The following PCDHGA11 variants were observed in gnomAD, a reference collection of about 807,000 sequenced individuals.
PCDHGA11 encodes protocadherin gamma subfamily A, 11, also known as protocadherin gamma-A11.
In PCDHGA11, 39 loss-of-function variants were observed where a neutral mutation model predicts 60.4. The ratio of observed to expected loss-of-function variants is 0.65; its 90% CI spans 0.50 to 0.84. PCDHGA11 has a LOEUF of 0.84. Among genes scored for constraint, PCDHGA11 ranks in the 40% least tolerant of loss-of-function variants. The pLI is 0.00. For missense variants in PCDHGA11, 1,165 were observed against 1,197.7 expected, an observed-to-expected ratio of 0.97 and a Z score of 0.40; for synonymous variants, 533 against 510.3, an observed-to-expected ratio of 1.04 and a Z score of -0.60.
At chr5:141,492,606 C>G (rs1019615566) in intron 1 of PCDHGA11, among the ~76,000 whole-genome samples, 3 of 152,232 alleles carry the variant, frequency 2.0e-5, no homozygotes, top group African/African-American at 7.2e-5. Flanking sequence ...GACTGCCGCT[C>G]TAAGTGCCGG....
chr5:141,505,270 G>A (rs550800630), intron 2 of PCDHGA11, 123 bp from the exon 3 acceptor site: 103 of 1,520,724 alleles, frequency 6.8e-5, no homozygotes, highest in Middle Eastern at 4.6e-4. Context: ...CTTGCTGAGA[G>A]AAACAGGTCT....
intron 1 of PCDHGA11, among the ~76,000 whole-genome samples, chr5:141,443,537 T>C (rs986467958): frequency 6.6e-6 from 1 of 152,180 alleles, no homozygotes; most frequent in African/African-American, 2.4e-5. Flanking sequence ...ATTTAAAGCT[T>C]GGGAAATTGT....
In PCDHGA11 at chr5:141,511,149, G is replaced by T; in HGVS notation, c.2784G>T (p.Lys928Asn). The change falls in exon 4 of 4, where the codon AAG becomes AAT. Residue 928 changes from lysine to asparagine, a missense_variant. By Grantham distance (94) the Lys-to-Asn change is moderately conservative. Transcript: ENST00000398587. ...APAGGNGNKKKSGKKEKK is the reference protein window; with the variant it reads ...APAGGNGNKKNSGKKEKK The stretch of plus-strand genomic sequence containing the variant: ...CAGGTGGCAATGGCAACAAGAAGAA[G>T]TCGGGCAAGAAGGAGAAGAAGTAAC... 1 of 1,614,176 alleles carries T rather than the reference G, an allele frequency of 6.2e-7. No homozygotes were observed. The highest frequency in any genetic ancestry group is 8.5e-7 in the Non-Finnish European group (1 of 1,179,998).
chr5:141,498,960 G>GGAGA (rs1381042115), intron 2 of PCDHGA11, among the ~76,000 whole-genome samples: 9 of 118,744 alleles, frequency 7.6e-5, no homozygotes, highest in African/African-American at 2.8e-4. Context: ...AGAGAGAGAG[G>GGAGA]GAGGGAGGGA....
chr5:141,497,210 G>T (rs988856908), intron 2 of PCDHGA11, among the ~76,000 whole-genome samples: 1 of 28,140 alleles, frequency 3.6e-5, no homozygotes, highest in African/African-American at 1.1e-3. Context: ...TGAGTGTAAT[G>T]GGGGGGGGAA....
chr5:141,446,778 T>C (rs2098515519), intron 1 of PCDHGA11, among the ~76,000 whole-genome samples: 1 of 152,116 alleles, frequency 6.6e-6, no homozygotes, highest in South Asian at 2.1e-4. Flanking sequence ...GTTACCATTC[T>C]TTTACTCTGA....
chr5:141,464,655 G>T (rs1326749316), intron 1 of PCDHGA11, among the ~76,000 whole-genome samples: 1 of 152,070 alleles, frequency 6.6e-6, no homozygotes. Flanking sequence ...TGGGTAAAAA[G>T]ATATCTCCAA....
rs754462129 is a variant in PCDHGA11, at chr5:141,490,693, G to T, written c.2434-4114G>T. 6.2e-7 allele frequency: 1 copy of T among 1,614,170 alleles called. No homozygotes were observed. Among genetic ancestry groups the T allele is most frequent in the South Asian group, 1.1e-5 (1 of 91,072 alleles). On this transcript the variant is annotated intron_variant, in intron 1 of 3. Transcript: ENST00000398587. This position sits in a 1 kb window ranked among gnomAD's most constrained non-coding sequence, Gnocchi z 5.4. Reference sequence around the variant, plus strand: ...GGCTGCCTCAGATCCAGACACTGGGGATAATGCCCGCCTCACCTACTCCAT... The same window carrying T: ...GGCTGCCTCAGATCCAGACACTGGGTATAATGCCCGCCTCACCTACTCCAT...
rs1407016089 is a variant in PCDHGA11 at position 141,489,914 on chromosome 5, C to T, written c.2434-4893C>T. On this transcript the variant is annotated intron_variant, in intron 1 of 3. Coordinates refer to ENST00000398587, the MANE Select transcript of PCDHGA11 (RefSeq NM_018914.3). The surrounding 1 kb of genome is among the most constrained non-coding windows in gnomAD (Gnocchi z 4.5). Reference sequence around the variant, plus strand: ...GGGGGGACCCCAGCCCGCTCAGGGACCACCCTTATCTCTGTCATCGTGCTG... The same window carrying T: ...GGGGGGACCCCAGCCCGCTCAGGGATCACCCTTATCTCTGTCATCGTGCTG... 3 of 1,614,094 alleles carry T rather than the reference C, an allele frequency of 1.9e-6. No individual in the cohort carries two copies. Among genetic ancestry groups the T allele is most frequent in the African/African-American group, 2.7e-5 (2 of 74,936 alleles).
chr5:141,423,720 A>G, intron 1 of PCDHGA11, 60 bp downstream of exon 1: 1 of 957,774 alleles, frequency 1.0e-6, no homozygotes, highest in East Asian at 6.0e-5. Flanking sequence ...TTTTAAGGAG[A>G]TGTTTTTTGA....
intron 1 of PCDHGA11, among the ~76,000 whole-genome samples, chr5:141,460,221 C>T (rs931609262): frequency 3.4e-4 from 51 of 151,918 alleles, no homozygotes; most frequent in African/African-American, 1.2e-3. Flanking sequence ...TTAGTTGTGT[C>T]TTTTGAAGAG....
chr5:141,485,539 G>C lies in PCDHGA11; in HGVS notation c.2434-9268G>C, dbSNP rs370323886. The C allele has an allele frequency of 9.9e-6, 16 of 1,613,986 alleles. No homozygotes were observed. In the African/African-American group the frequency reaches 2.0e-4, roughly 20 times the overall value. On this transcript the variant is annotated intron_variant, in intron 1 of 3. Transcript: ENST00000398587. This position sits in a 1 kb window ranked among gnomAD's most constrained non-coding sequence, Gnocchi z 5.7. ...TGGAAATGTACCGAGCAGAGGTAGA[G>C]ATCGTAGATGTGAATGATCACGCCC... is the stretch of plus-strand genomic sequence containing the variant.
chr5:141,491,980 C>A lies in PCDHGA11; in HGVS notation c.2434-2827C>A. On this transcript the variant is annotated intron_variant, in intron 1 of 3. Coordinates refer to ENST00000398587, the MANE Select transcript of PCDHGA11 (RefSeq NM_018914.3). This position sits in a 1 kb window ranked among gnomAD's most constrained non-coding sequence, Gnocchi z 6.9. ...AAAAAAGGCCGGGGCCTCCTTCGAGCTTCCGGTGAATTTCGGGCGATTTCC... is the reference window on the plus strand; with the variant it reads ...AAAAAAGGCCGGGGCCTCCTTCGAGATTCCGGTGAATTTCGGGCGATTTCC... 1.3e-6 allele frequency: 1 copy of A among 784,426 alleles called. No homozygotes were observed. Among genetic ancestry groups the A allele is most frequent in the Non-Finnish European group, 1.9e-6 (1 of 530,582 alleles). The allele number at this position is 784,426 out of a possible 1,614,324, so 48.6% of individuals were successfully genotyped here.
At chr5:141,510,785 C>G (rs951225541) in intron 3 of PCDHGA11, among the ~76,000 whole-genome samples, 162 bp from the exon 4 acceptor site, 1 of 152,150 alleles carries the variant, frequency 6.6e-6, no homozygotes, top group Non-Finnish European at 1.5e-5. Flanking sequence ...ACCCTCAACT[C>G]TTGTGAAGAG....
chr5:141,487,256 G>A lies in PCDHGA11; in HGVS notation c.2434-7551G>A. ...ATCTCGTCTAACCCTCTACTTGGCTGTGTCCCTAGTGGCAATTTGCTTTGT... is the reference window on the plus strand; with the variant it reads ...ATCTCGTCTAACCCTCTACTTGGCTATGTCCCTAGTGGCAATTTGCTTTGT... On this transcript the variant is annotated intron_variant, in intron 1 of 3. Transcript: ENST00000398587. The surrounding 1 kb of genome is among the most constrained non-coding windows in gnomAD (Gnocchi z 5.0). The A allele has an allele frequency of 6.2e-7, 1 of 1,614,166 alleles. No individual in the cohort carries two copies. The highest frequency in any genetic ancestry group is 8.5e-7 in the Non-Finnish European group (1 of 1,180,032).
At chr5:141,426,033 C>G (rs978171140) in intron 1 of PCDHGA11, among the ~76,000 whole-genome samples, 14 of 152,162 alleles carry the variant, frequency 9.2e-5, no homozygotes, top group African/African-American at 3.1e-4. Context: ...AGACTCAGAG[C>G]CCTGCTGTTG....
At chr5:141,507,858 AC>A (rs2099864314) in intron 3 of PCDHGA11, among the ~76,000 whole-genome samples, 1 of 151,748 alleles carries the variant, frequency 6.6e-6, no homozygotes, top group African/African-American at 2.4e-5. Flanking sequence ...TCACTTTCAC[AC>A]CCGCTTCCTA....
rs369791160 is a variant in PCDHGA11 at position 141,431,269 on chromosome 5, C to G, written c.2433+7609C>G. On this transcript the variant is annotated intron_variant, in intron 1 of 3. Transcript: ENST00000398587. This position sits in a 1 kb window ranked among gnomAD's most constrained non-coding sequence, Gnocchi z 4.8. ...TCGGGAAGAACTCTCTGCAGAGCTA[C>G]GAGCTCAGCCCGAACACTCACTTCT... 1.4e-5 allele frequency: 22 copies of G among 1,614,034 alleles called. No individual in the cohort carries two copies. The highest frequency in any genetic ancestry group is 2.7e-5 in the African/African-American group (2 of 74,954).
chr5:141,511,537 A>G lies in PCDHGA11; in HGVS notation c.*364A>G. 2 of 319,256 alleles carry G rather than the reference A, an allele frequency of 6.3e-6. No individual in the cohort carries two copies. Among genetic ancestry groups the G allele is most frequent in the South Asian group, 3.3e-5 (1 of 29,854 alleles). 19.8% of individuals were successfully genotyped at this position (319,256 alleles called of 1,614,324 possible). A position where few individuals can be genotyped will look rare whatever the true frequency, so the allele number is the denominator to read the frequency against. On this transcript the variant is annotated 3_prime_UTR_variant, in exon 4 of 4. Coordinates refer to ENST00000398587, the MANE Select transcript of PCDHGA11 (RefSeq NM_018914.3). ...TCCATCCCATGCCTCCCTCCTCCCC[A>G]CCCCACTCCAACAGTTCCTCTTTCC... is the stretch of plus-strand genomic sequence containing the variant.
Sources: gnomAD v4.1 joint callset for allele counts (sites outside exome capture counted in the v4.1 genomes callset) on GRCh38, gnomAD v4.1.1 for gene constraint, Gnocchi (gnomAD v3.1) non-coding constraint, MANE v1.5 for transcripts, NCBI Gene and HGNC (gene_info 2026-07-23, HGNC 2026-07-21) for gene names.